SNX29: variants seen among roughly 807,000 people sequenced by gnomAD.
SNX29 encodes sorting nexin-29.
In SNX29, 78 loss-of-function variants were observed where a neutral mutation model predicts 102.1. That is an observed-to-expected ratio of 0.76 (90% CI 0.64 to 0.92). SNX29 has a LOEUF of 0.92. Ranked by LOEUF, SNX29 falls within the 40% of genes least tolerant of loss-of-function variation. The pLI is 0.00. For synonymous variants in SNX29, 580 were observed against 414.5 expected (o/e 1.40, Z -4.85); for missense variants, 1,280 against 1,061.7 (o/e 1.21, Z -2.86).
At position 12,571,238 on chromosome 16, in the gene SNX29, A is replaced by G. The variant is rs146687174; in HGVS notation, c.*2609A>G. 4.7e-4 allele frequency: 108 copies of G among 232,218 alleles called. 1 individual carries two copies. The highest frequency in any genetic ancestry group is 2.1e-3 in the African/African-American group (96 of 45,406). 14.4% of individuals were successfully genotyped at this position (232,218 alleles called of 1,614,324 possible). A position where few individuals can be genotyped will look rare whatever the true frequency, so the allele number is the denominator to read the frequency against. ...GGGTTCCCAGTTCCTGGAGTTATGGAGCAGAAACACCCAGGCCTAGCAGAA... is the reference window on the plus strand; with the variant it reads ...GGGTTCCCAGTTCCTGGAGTTATGGGGCAGAAACACCCAGGCCTAGCAGAA... On this transcript the variant is annotated 3_prime_UTR_variant, in exon 21 of 21. Transcript: ENST00000566228.
At chr16:12,240,393 G>A (rs2078065847) in intron 14 of SNX29, among the ~76,000 whole-genome samples, 1 of 152,000 alleles carries the variant, frequency 6.6e-6, no homozygotes, top group Non-Finnish European at 1.5e-5. Flanking sequence ...TTGATTGCAA[G>A]TTTTATTTTG....
intron 11 of SNX29, among the ~76,000 whole-genome samples, chr16:12,125,605 CTTTTTTT>C (rs36212472): frequency 6.6e-5 from 3 of 45,454 alleles, no homozygotes; most frequent in Admixed American, 2.8e-4. Flanking sequence ...TGAGATCTCT[CTTTTTTT>C]TTTTTTTTTT....
chr16:12,240,332 T>G (rs2078064264), intron 14 of SNX29, among the ~76,000 whole-genome samples: 1 of 152,222 alleles, frequency 6.6e-6, no homozygotes. Context: ...TGAGTATGCC[T>G]GTCAGGCCTC....
At chr16:12,173,723 C>T (rs1596423913) in intron 13 of SNX29, among the ~76,000 whole-genome samples, 1 of 152,194 alleles carries the variant, frequency 6.6e-6, no homozygotes, top group East Asian at 1.9e-4. Context: ...GAGATGTTTC[C>T]TTGCTTATAA....
intron 4 of SNX29, among the ~76,000 whole-genome samples, chr16:12,038,525 T>C (rs1372355277): frequency 6.6e-6 from 1 of 152,188 alleles, no homozygotes; most frequent in East Asian, 1.9e-4. Context: ...CAGATCAGTG[T>C]ATATCCCTAA....
intron 13 of SNX29, among the ~76,000 whole-genome samples, chr16:12,181,512 CTT>C (rs1229128204): frequency 6.6e-6 from 1 of 152,152 alleles, no homozygotes; most frequent in Non-Finnish European, 1.5e-5. Flanking sequence ...AGAGGGGTGA[CTT>C]TGAATAGAAT....
intron 14 of SNX29, among the ~76,000 whole-genome samples, chr16:12,210,721 CAT>C (rs1386566355): frequency 6.6e-6 from 1 of 152,000 alleles, no homozygotes; most frequent in Non-Finnish European, 1.5e-5. Context: ...TTTTCTCTCA[CAT>C]GTTCCCTCCC....
chr16:12,155,162 G>A (rs747745514), intron 13 of SNX29, among the ~76,000 whole-genome samples: 2 of 152,082 alleles, frequency 1.3e-5, no homozygotes, highest in Non-Finnish European at 2.9e-5. Flanking sequence ...CCGCGCCCAG[G>A]GGACTCTGGC....
chr16:12,337,949 A>G (rs1451671601), intron 15 of SNX29, among the ~76,000 whole-genome samples: 1 of 152,160 alleles, frequency 6.6e-6, no homozygotes, highest in East Asian at 1.9e-4. Flanking sequence ...GCCCTCTCAC[A>G]GCCGCTTCAC....
chr16:12,329,389 A>T (rs150406392), intron 15 of SNX29, among the ~76,000 whole-genome samples: 1 of 151,974 alleles, frequency 6.6e-6, no homozygotes, highest in Non-Finnish European at 1.5e-5. Flanking sequence ...TGCTACTAGC[A>T]GCTGTGTCCA....
chr16:12,162,846 G>C (rs1158595047), intron 13 of SNX29, among the ~76,000 whole-genome samples: 2 of 152,170 alleles, frequency 1.3e-5, no homozygotes, highest in Non-Finnish European at 1.5e-5. Context: ...CTGGAGGGCC[G>C]GCAAGCACGT....
chr16:12,385,073 G>C (rs1039152597), intron 16 of SNX29, among the ~76,000 whole-genome samples: 1 of 152,228 alleles, frequency 6.6e-6, no homozygotes, highest in Non-Finnish European at 1.5e-5. Flanking sequence ...GGGAGGCAGA[G>C]GCAGGAGAAT....
At position 12,473,448 on chromosome 16, in the gene SNX29, G is replaced by C. The variant is rs79212921; in HGVS notation, c.2038-4271G>C. On this transcript the variant is annotated intron_variant, in intron 18 of 20. Transcript: ENST00000566228. Reference sequence around the variant, plus strand: ...TGGGCTTCAGGGGAACGAGGCAAGGGCTTCTGGTCCCAGCTACCCACATTG... The same window carrying C: ...TGGGCTTCAGGGGAACGAGGCAAGGCCTTCTGGTCCCAGCTACCCACATTG... Among the ~76,000 whole-genome samples, 836 of 152,290 alleles carry C rather than the reference G, an allele frequency of 5.5e-3. 13 individuals are homozygous for C. The highest frequency in any genetic ancestry group is 0.031 in the East Asian group (162 of 5,164).
intron 13 of SNX29, among the ~76,000 whole-genome samples, chr16:12,150,750 A>G (rs1937145874): frequency 6.6e-6 from 1 of 152,252 alleles, no homozygotes; most frequent in South Asian, 2.1e-4. Flanking sequence ...TTGGGTCACC[A>G]GCAAGGTCAC....
At chr16:12,032,368 C>T (rs1479529580) in intron 4 of SNX29, among the ~76,000 whole-genome samples, 2 of 151,794 alleles carry the variant, frequency 1.3e-5, no homozygotes, top group African/African-American at 2.4e-5. Context: ...CCACCATGCC[C>T]GGCTAATTTT....
intron 18 of SNX29, among the ~76,000 whole-genome samples, chr16:12,419,208 C>T (rs1039884647): frequency 2.2e-4 from 33 of 152,302 alleles, no homozygotes; most frequent in African/African-American, 6.7e-4. Context: ...TGAGGAGCTG[C>T]ATCTTGGTCC....
At chr16:12,256,974 T>C (rs1035204494) in intron 14 of SNX29, among the ~76,000 whole-genome samples, 4 of 152,258 alleles carry the variant, frequency 2.6e-5, no homozygotes, top group African/African-American at 4.8e-5. Context: ...AAATGGCTGA[T>C]AACAAATTAT....
chr16:11,976,986 A>T (rs2055314676), intron 1 of SNX29, 173 bp downstream of exon 1: 1 of 825,968 alleles, frequency 1.2e-6, no homozygotes, highest in African/African-American at 1.8e-5. Context: ...GCCCCTGCTC[A>T]CCTGCGGGTC....
chr16:12,477,715 A>G lies in SNX29; in HGVS notation c.2038-4A>G, dbSNP rs754348295. The G allele has an allele frequency of 1.6e-5, 26 of 1,608,032 alleles. No individual in the cohort carries two copies. The highest frequency in any genetic ancestry group is 2.1e-5 in the Non-Finnish European group (25 of 1,178,458). Reference sequence around the variant, plus strand: ...AGGAATTCACATTTTCTCTTTCTTGACAGGTCTACATCCGGATAAAAGACG... The same window carrying G: ...AGGAATTCACATTTTCTCTTTCTTGGCAGGTCTACATCCGGATAAAAGACG... On this transcript the variant is annotated splice_region_variant and splice_polypyrimidine_tract_variant and intron_variant, in intron 18 of 20. Coordinates refer to ENST00000566228, the MANE Select transcript of SNX29 (RefSeq NM_032167.5).
Sources: allele counts gnomAD v4.1 joint callset (sites outside exome capture counted in the v4.1 genomes callset), GRCh38; gene constraint gnomAD v4.1.1; transcripts MANE v1.5; gene names NCBI Gene and HGNC (gene_info 2026-07-23, HGNC 2026-07-21).